HDLBP: variants seen among roughly 807,000 people sequenced by gnomAD.
HDLBP encodes vigilin.
HDLBP carries 30 observed loss-of-function variants against 137.3 expected under a neutral mutation model. The ratio of observed to expected loss-of-function variants is 0.22; its 90% CI spans 0.16 to 0.30. The LOEUF is 0.30. Among genes scored for constraint, HDLBP ranks in the 10% least tolerant of loss-of-function variants. The pLI, the probability that HDLBP is intolerant of heterozygous loss-of-function variation, is 1.00. For synonymous variants in HDLBP, 606 were observed against 596.0 expected (o/e 1.02, Z -0.24); for missense variants, 1,119 against 1,667.3 (o/e 0.67, Z 5.73).
At chr2:241,243,205 C>T (rs2071408842) in intron 16 of HDLBP, among the ~76,000 whole-genome samples, 1 of 152,188 alleles carries the variant, frequency 6.6e-6, no homozygotes, top group Non-Finnish European at 1.5e-5. Context: ...AAGTTGCTGC[C>T]ACAGTACGGG....
intron 1 of HDLBP, 159 bp from the exon 2 acceptor site, chr2:241,268,700 G>GA (rs909804630): frequency 1.6e-3 from 245 of 156,356 alleles, no homozygotes; most frequent in Non-Finnish European, 3.0e-3. Flanking sequence ...TTTCTTGGAA[G>GA]AAAAAAAAAA....
intron 1 of HDLBP, among the ~76,000 whole-genome samples, chr2:241,289,512 C>T (rs542258837): frequency 1.3e-5 from 2 of 152,258 alleles, no homozygotes; most frequent in South Asian, 4.2e-4. Flanking sequence ...ATGGAGATAC[C>T]GGACTCAGAT....
chr2:241,253,115 G>A, intron 10 of HDLBP, 80 bp from the exon 11 acceptor site: 9 of 1,051,702 alleles, frequency 8.6e-6, no homozygotes, highest in South Asian at 2.6e-5. Flanking sequence ...CAGTCTCCAC[G>A]GTTGCCTTTT....
At position 241,249,872 on chromosome 2, in the gene HDLBP, T is replaced by G; in HGVS notation, c.1481A>C (p.Lys494Thr). The G allele has an allele frequency of 6.2e-7, 1 of 1,612,756 alleles. No individual in the cohort carries two copies. The highest frequency in any genetic ancestry group is 8.5e-7 in the Non-Finnish European group (1 of 1,179,472). ...EGDPQGVQQAKRELLELASRM... is the reference protein window; with the variant it reads ...EGDPQGVQQATRELLELASRM... The stretch of plus-strand genomic sequence containing the variant: ...AGATGCAAGCTCCAGCAGCTCTCGC[T>G]TGGCCTGCTGCACGCCCTGTGGGTC... Residue 494 changes from lysine (K) to threonine (T), a missense_variant, in exon 12 of 28, where the codon AAG becomes ACG. Lys to Thr is a moderately conservative substitution (Grantham distance 78). Coordinates refer to ENST00000310931, the MANE Select transcript of HDLBP (RefSeq NM_005336.6).
chr2:241,292,260 G>GA (rs1378620775), intron 1 of HDLBP, among the ~76,000 whole-genome samples: 1 of 150,488 alleles, frequency 6.6e-6, no homozygotes, highest in African/African-American at 2.5e-5. Flanking sequence ...ATGAGGATTA[G>GA]AAAAACACAT....
chr2:241,266,215 T>C (rs1211449196), intron 3 of HDLBP, among the ~76,000 whole-genome samples: 3 of 152,310 alleles, frequency 2.0e-5, no homozygotes, highest in African/African-American at 4.8e-5. Context: ...CAAATATCAA[T>C]GGTTCCCCCC....
intron 1 of HDLBP, among the ~76,000 whole-genome samples, chr2:241,299,591 A>G (rs2149686783): frequency 6.6e-6 from 1 of 151,052 alleles, no homozygotes; most frequent in South Asian, 2.1e-4. Context: ...GGGATGGCAG[A>G]TAACACTGAC....
chr2:241,299,705 G>C (rs1324609284), intron 1 of HDLBP, among the ~76,000 whole-genome samples: 1 of 152,070 alleles, frequency 6.6e-6, no homozygotes, highest in African/African-American at 2.4e-5. Context: ...CACGAGGTCA[G>C]GAGATCGAGA....
chr2:241,260,580 T>C lies in HDLBP; in HGVS notation c.450+2131A>G, dbSNP rs898775828. On this transcript the variant is annotated intron_variant, in intron 5 of 27. Transcript: ENST00000310931. ...ACTAATGTATGAGCAGGGAGAGAAT[T>C]AGAAAAGCATAATTTGCAACCCTTA... Among the ~76,000 whole-genome samples the C allele has an allele frequency of 5.9e-5, 9 of 152,264 alleles. No individual in the cohort carries two copies. In the East Asian group the frequency reaches 1.2e-3, roughly 20 times the overall value.
Position 241,229,001 on chromosome 2 carries a change from C to T in HDLBP, c.*600G>A, listed in dbSNP as rs991694189. Reference sequence around the variant, plus strand: ...GACCCCACGGCAGGTAAAATCAGGACTGCCTGAGAACCCGTCACCCTCTGC... The same window carrying T: ...GACCCCACGGCAGGTAAAATCAGGATTGCCTGAGAACCCGTCACCCTCTGC... On this transcript the variant is annotated 3_prime_UTR_variant, in exon 28 of 28. Coordinates refer to ENST00000310931, the MANE Select transcript of HDLBP (RefSeq NM_005336.6). 6.5e-6 allele frequency: 1 copy of T among 153,604 alleles called. No individual in the cohort carries two copies. The highest frequency in any genetic ancestry group is 1.4e-5 in the Non-Finnish European group (1 of 69,074). 9.5% of individuals were successfully genotyped at this position (153,604 alleles called of 1,614,324 possible).
intron 9 of HDLBP, among the ~76,000 whole-genome samples, chr2:241,254,082 C>T (rs953222407): frequency 2.6e-5 from 4 of 152,054 alleles, no homozygotes; most frequent in Non-Finnish European, 5.9e-5. Flanking sequence ...CCCACGAGTT[C>T]GAGATCAACC....
At position 241,240,431 on chromosome 2, in the gene HDLBP, CAG is replaced by C. The variant is rs1491034814; in HGVS notation, c.2170-311_2170-310del. Among the ~76,000 whole-genome samples the C allele has an allele frequency of 6.6e-6, 1 of 151,628 alleles. No homozygotes were observed. The highest frequency in any genetic ancestry group is 6.6e-5 in the Admixed American group (1 of 15,204). Reference sequence around the variant, plus strand: ...TTCTCCAAGCCATTTTTGATCTGCACAGGGGGAGGTGGGAGCAACGCGCCGGA... The same window carrying C: ...TTCTCCAAGCCATTTTTGATCTGCACGGGGAGGTGGGAGCAACGCGCCGGA... On this transcript the variant is annotated intron_variant, in intron 17 of 27. Coordinates refer to ENST00000310931, the MANE Select transcript of HDLBP (RefSeq NM_005336.6). The surrounding 1 kb of genome is among the most constrained non-coding windows in gnomAD (Gnocchi z 5.5).
Position 241,236,604 on chromosome 2 carries a change from T to G in HDLBP, c.2904+11A>C, listed in dbSNP as rs2305073. 1.2e-6 allele frequency: 2 copies of G among 1,613,250 alleles called. No homozygotes were observed. The highest frequency in any genetic ancestry group is 2.2e-5 in the East Asian group (1 of 44,806). The stretch of plus-strand genomic sequence containing the variant: ...TTGGCGGGGGGTGGAGGGGGGCACA[T>G]GGACACATACCTCCAGAGCTTCCTT... On this transcript the variant is annotated intron_variant, in intron 21 of 27. Coordinates refer to ENST00000310931, the MANE Select transcript of HDLBP (RefSeq NM_005336.6).
chr2:241,300,567 A>G (rs1256405289), intron 1 of HDLBP, among the ~76,000 whole-genome samples: 1 of 152,250 alleles, frequency 6.6e-6, no homozygotes, highest in African/African-American at 2.4e-5. Context: ...ATCCTAATGC[A>G]TGCCAAATAA....
chr2:241,304,730 C>T (rs907608914), intron 1 of HDLBP, among the ~76,000 whole-genome samples: 1 of 152,186 alleles, frequency 6.6e-6, no homozygotes, highest in Admixed American at 6.5e-5. Context: ...CCTGGTTGGT[C>T]CCACTCCTGA....
intron 1 of HDLBP, among the ~76,000 whole-genome samples, chr2:241,309,377 A>G (rs1029099880): frequency 1.3e-5 from 2 of 152,146 alleles, no homozygotes; most frequent in African/African-American, 2.4e-5. Flanking sequence ...ATACATTTAC[A>G]CTACTTCGTG....
chr2:241,300,767 G>C (rs1469356111), intron 1 of HDLBP, among the ~76,000 whole-genome samples: 1 of 152,140 alleles, frequency 6.6e-6, no homozygotes, highest in Non-Finnish European at 1.5e-5. Context: ...ACACCCCAGA[G>C]CCCTGTAACA....
chr2:241,260,289 A>G (rs1559515904), intron 5 of HDLBP, among the ~76,000 whole-genome samples: 1 of 152,230 alleles, frequency 6.6e-6, no homozygotes, highest in Non-Finnish European at 1.5e-5. Context: ...TATAGGCGTG[A>G]GCCACTGCAC....
rs534125720 is a variant in HDLBP, at chr2:241,288,639, G to A, written c.-102-20098C>T. Among the ~76,000 whole-genome samples the A allele has an allele frequency of 6.1e-3, 925 of 152,246 alleles. 6 individuals carry two copies. Among genetic ancestry groups the A allele is most frequent in the Non-Finnish European group, 8.4e-3 (573 of 68,012 alleles). On this transcript the variant is annotated intron_variant, in intron 1 of 27. Transcript: ENST00000310931. Reference sequence around the variant, plus strand: ...ACTGCTTCTAGGTGGAAATGCATCCGTATGACCCATGGGTTTACTGATGTC... The same window carrying A: ...ACTGCTTCTAGGTGGAAATGCATCCATATGACCCATGGGTTTACTGATGTC...
Sources: allele counts gnomAD v4.1 joint callset (sites outside exome capture counted in the v4.1 genomes callset), GRCh38; gene constraint gnomAD v4.1.1; non-coding constraint Gnocchi (gnomAD v3.1); transcripts MANE v1.5; gene names NCBI Gene and HGNC (gene_info 2026-07-23, HGNC 2026-07-21).